TMEM98: variants seen among roughly 807,000 people sequenced by gnomAD.
TMEM98 encodes transmembrane protein 98.
In TMEM98, 18 loss-of-function variants were observed where a neutral mutation model predicts 25.0. The ratio of observed to expected loss-of-function variants is 0.72; its 90% CI spans 0.50 to 1.07. TMEM98 has a LOEUF of 1.07. Among genes scored for constraint, TMEM98 ranks in the 50% least tolerant of loss-of-function variants. The pLI is 0.00. For synonymous variants in TMEM98, 103 were observed against 112.4 expected, an observed-to-expected ratio of 0.92 and a Z score of 0.53; for missense variants, 241 against 289.0, an observed-to-expected ratio of 0.83 and a Z score of 1.20.
chr17:32,928,961 ACACT>A (rs775804751), intron 1 of TMEM98, among the ~76,000 whole-genome samples: 4 of 144,850 alleles, frequency 2.8e-5, no homozygotes, highest in African/African-American at 5.6e-5. Flanking sequence ...CAGTTCACAC[ACACT>A]CAGAAACACA....
In TMEM98 at chr17:32,944,241, A is replaced by G. The variant is rs2091545473; in HGVS notation, c.*3248A>G. 1 of 152,250 alleles carries G rather than the reference A, an allele frequency of 6.6e-6. No homozygotes were observed. 9.4% of individuals were successfully genotyped at this position (152,250 alleles called of 1,614,324 possible). ...CCTGCATTGCTTTATGGCCTTGGAAATGTGGGGAAAGTGTCAGATGAAGAA... is the reference window on the plus strand; with the variant it reads ...CCTGCATTGCTTTATGGCCTTGGAAGTGTGGGGAAAGTGTCAGATGAAGAA... On this transcript the variant is annotated 3_prime_UTR_variant, in exon 8 of 8. Coordinates refer to ENST00000579849, the MANE Select transcript of TMEM98 (RefSeq NM_015544.3).
intron 5 of TMEM98, among the ~76,000 whole-genome samples, chr17:32,934,763 A>G (rs2091487376): frequency 6.6e-6 from 1 of 152,250 alleles, no homozygotes; most frequent in African/African-American, 2.4e-5. Context: ...AGTCATCACT[A>G]GCCTTCTTTG....
chr17:32,933,328 C>T (rs2151111890), intron 4 of TMEM98, 23 bp downstream of exon 4: 1 of 1,613,584 alleles, frequency 6.2e-7, no homozygotes, highest in Admixed American at 1.7e-5. Context: ...GAACTGTTTG[C>T]TTCCGGGCTT....
chr17:32,940,767 A>G lies in TMEM98; in HGVS notation c.474-19A>G. 2 of 1,604,972 alleles carry G rather than the reference A, an allele frequency of 1.2e-6. No homozygotes were observed. The highest frequency in any genetic ancestry group is 1.7e-6 in the Non-Finnish European group (2 of 1,176,780). ...CTCATTTCCTAGGAAACCTGACCCT[A>G]TTTTCTTTTTTTCCCTAGGACGACT... On this transcript the variant is annotated intron_variant, in intron 7 of 7. Coordinates refer to ENST00000579849, the MANE Select transcript of TMEM98 (RefSeq NM_015544.3).
rs894161737 is a variant in TMEM98, at chr17:32,942,594, C to T, written c.*1601C>T. The T allele has an allele frequency of 6.6e-6, 1 of 152,192 alleles. No homozygotes were observed. The highest frequency in any genetic ancestry group is 1.5e-5 in the Non-Finnish European group (1 of 68,046). The allele number at this position is 152,192 out of a possible 1,614,324, so 9.4% of individuals were successfully genotyped here. Reference sequence around the variant, plus strand: ...CCAACCTGCACAATGTACACCAAACCACAGAACCACAGCTGGGATATGGAG... The same window carrying T: ...CCAACCTGCACAATGTACACCAAACTACAGAACCACAGCTGGGATATGGAG... On this transcript the variant is annotated 3_prime_UTR_variant, in exon 8 of 8. Coordinates refer to ENST00000579849, the MANE Select transcript of TMEM98 (RefSeq NM_015544.3).
chr17:32,939,469 C>T lies in TMEM98; in HGVS notation c.414-8C>T. 1 of 1,613,432 alleles carries T rather than the reference C, an allele frequency of 6.2e-7. No homozygotes were observed. The highest frequency in any genetic ancestry group is 1.1e-5 in the South Asian group (1 of 91,050). On this transcript the variant is annotated splice_region_variant and splice_polypyrimidine_tract_variant and intron_variant, in intron 6 of 7. Transcript: ENST00000579849. ...GTGAAGTACTGAACACCTTTTGCCT[C>T]CGGTCAGGGTGGATGATGTTGTGAA...
chr17:32,940,673 A>AG, intron 7 of TMEM98, 113 bp from the exon 8 acceptor site: 1 of 986,260 alleles, frequency 1.0e-6, no homozygotes, highest in Non-Finnish European at 1.5e-6. Flanking sequence ...CCAACATCCT[A>AG]GGGAAGGGTG....
intron 6 of TMEM98, among the ~76,000 whole-genome samples, chr17:32,938,840 T>C (rs1467189465): frequency 6.6e-6 from 1 of 152,256 alleles, no homozygotes. Flanking sequence ...TTTATCTATT[T>C]TTATGCAAAT....
chr17:32,936,504 A>C, intron 6 of TMEM98, 57 bp downstream of exon 6: 1 of 1,476,052 alleles, frequency 6.8e-7, no homozygotes, highest in Non-Finnish European at 9.4e-7. Flanking sequence ...GAGGGGCTGG[A>C]AGCTGGGGTA....
chr17:32,940,350 T>A (rs1381758608), intron 7 of TMEM98, among the ~76,000 whole-genome samples: 1 of 152,178 alleles, frequency 6.6e-6, no homozygotes, highest in African/African-American at 2.4e-5. Flanking sequence ...CAATTTGTAA[T>A]CAATAAGGAA....
In TMEM98 at chr17:32,933,254, A is replaced by G; in HGVS notation, c.212A>G (p.Asn71Ser). ...ELELDDVVIT[N>S]PHIEAILENE... Reference sequence around the variant, plus strand: ...GAACTGGACGATGTCGTTATCACCAACCCCCACATTGAGGCCATTCTGGAG... The same window carrying G: ...GAACTGGACGATGTCGTTATCACCAGCCCCCACATTGAGGCCATTCTGGAG... Residue 71 changes from asparagine (N) to serine (S), a missense_variant, in exon 4 of 8, where the codon AAC (asparagine) becomes AGC (serine). By Grantham distance (46) the Asn-to-Ser change is conservative (BLOSUM62 1). Coordinates refer to ENST00000579849, the MANE Select transcript of TMEM98 (RefSeq NM_015544.3). The G allele has an allele frequency of 1.2e-6, 2 of 1,613,990 alleles. No individual in the cohort carries two copies. Among genetic ancestry groups the G allele is most frequent in the Non-Finnish European group, 8.5e-7 (1 of 1,179,998 alleles).
At chr17:32,936,097 A>C (rs1299760437) in intron 5 of TMEM98, among the ~76,000 whole-genome samples, 1 of 152,152 alleles carries the variant, frequency 6.6e-6, no homozygotes, top group Non-Finnish European at 1.5e-5. Flanking sequence ...GGCTTCCCAG[A>C]GCCCACACCC....
Position 32,940,856 on chromosome 17 carries a change from G to A in TMEM98, c.544G>A (p.Gly182Ser). The change falls in exon 8 of 8, where the codon GGC becomes AGC. Residue 182 changes from glycine (G) to serine (S), a missense_variant. Gly to Ser is a moderately conservative substitution (Grantham distance 56, BLOSUM62 0). Transcript: ENST00000579849. ...VTRNACHLTGGLDWIDQSLSA... is the reference protein window; with the variant it reads ...VTRNACHLTGSLDWIDQSLSA... ...AAGGAATGCCTGCCATCTGACGGGA[G>A]GCCTGGACTGGATTGACCAGTCTCT... 3.7e-6 allele frequency: 6 copies of A among 1,614,208 alleles called. No individual in the cohort carries two copies. The highest frequency in any genetic ancestry group is 5.1e-6 in the Non-Finnish European group (6 of 1,180,028).
At position 32,944,219 on chromosome 17, in the gene TMEM98, G is replaced by C. The variant is rs1025784322; in HGVS notation, c.*3226G>C. On this transcript the variant is annotated 3_prime_UTR_variant, in exon 8 of 8. Coordinates refer to ENST00000579849, the MANE Select transcript of TMEM98 (RefSeq NM_015544.3). ...AAATGGCCTACAGTTCAAAGGCCCT[G>C]CATTGCTTTATGGCCTTGGAAATGT... 3 of 152,254 alleles carry C rather than the reference G, an allele frequency of 2.0e-5. No homozygotes were observed. In the East Asian group the frequency reaches 5.8e-4, roughly 29 times the overall value. The allele number at this position is 152,254 out of a possible 1,614,324, so 9.4% of individuals were successfully genotyped here.
rs1472558675 is a variant in TMEM98 at position 32,943,338 on chromosome 17, G to A, written c.*2345G>A. The A allele has an allele frequency of 6.6e-6, 1 of 152,178 alleles. No homozygotes were observed. The highest frequency in any genetic ancestry group is 1.9e-4 in the East Asian group (1 of 5,168). 9.4% of individuals were successfully genotyped at this position (152,178 alleles called of 1,614,324 possible). A position where few individuals can be genotyped will look rare whatever the true frequency, so the allele number is the denominator to read the frequency against. ...CAATGCCACTCCTCTAGGCCCTTCG[G>A]GAGTTGGCTGAAGTTACTTCCTCCC... is the stretch of plus-strand genomic sequence containing the variant. On this transcript the variant is annotated 3_prime_UTR_variant, in exon 8 of 8. Coordinates refer to ENST00000579849, the MANE Select transcript of TMEM98 (RefSeq NM_015544.3).
intron 4 of TMEM98, among the ~76,000 whole-genome samples, 198 bp from the exon 5 acceptor site, chr17:32,934,093 G>T (rs1406490885): frequency 5.9e-5 from 9 of 152,304 alleles, no homozygotes; most frequent in Admixed American, 5.2e-4. Flanking sequence ...TGGATTGGGT[G>T]CAGGGAGGGG....
chr17:32,937,891 T>A (rs2091505398), intron 6 of TMEM98, among the ~76,000 whole-genome samples: 1 of 152,098 alleles, frequency 6.6e-6, no homozygotes, highest in Admixed American at 6.6e-5. Flanking sequence ...ACACCCGGCC[T>A]CCTTCCCCAT....
At chr17:32,933,395 A>G in intron 4 of TMEM98, 90 bp downstream of exon 4, 2 of 1,554,706 alleles carry the variant, frequency 1.3e-6, no homozygotes, top group Non-Finnish European at 1.8e-6. Context: ...CTGGCATTCA[A>G]GAACAGTCAC....
chr17:32,934,176 G>A (rs2091483769), intron 4 of TMEM98, 115 bp from the exon 5 acceptor site: 1 of 1,125,948 alleles, frequency 8.9e-7, no homozygotes, highest in African/African-American at 1.5e-5. Flanking sequence ...CCCACTCTCA[G>A]TGGTTGGTAT....
Sources: allele counts gnomAD v4.1 joint callset (sites outside exome capture counted in the v4.1 genomes callset), GRCh38; gene constraint gnomAD v4.1.1; transcripts MANE v1.5; gene names NCBI Gene and HGNC (gene_info 2026-07-23, HGNC 2026-07-21).